Variants in AJAP1 observed in about 807,000 individuals in gnomAD.
AJAP1 encodes the protein adherens junctions associated protein 1, also known as adherens junction-associated protein 1.
AJAP1 carries 5 observed loss-of-function variants against 35.0 expected under a neutral mutation model. The observed-to-expected ratio is 0.14, with a 90% CI of 0.07 to 0.30. The LOEUF (loss-of-function observed/expected upper bound fraction) is 0.30, where lower values mean the gene tolerates loss of function less well. Ranked by LOEUF, AJAP1 falls within the 10% of genes least tolerant of loss-of-function variation. The probability of loss-of-function intolerance (pLI) is 1.00; values close to 1 mark genes in which losing one functional copy is unlikely to be tolerated. For synonymous variants in AJAP1, 284 were observed against 249.3 expected (o/e 1.14, Z -1.31); for missense variants, 586 against 571.0 (o/e 1.03, Z -0.27).
At chr1:4,733,239 T>C (rs1409386613) in intron 2 of AJAP1, among the ~76,000 whole-genome samples, 1 of 151,708 alleles carries the variant, frequency 6.6e-6, no homozygotes, top group East Asian at 2.0e-4. Flanking sequence ...CAATGCCGCC[T>C]TCAGATGATC....
At chr1:4,743,501 T>C (rs1197985969) in intron 2 of AJAP1, among the ~76,000 whole-genome samples, 1 of 152,190 alleles carries the variant, frequency 6.6e-6, no homozygotes, top group Non-Finnish European at 1.5e-5. Context: ...TGCATATTCG[T>C]TCATCCAGAT....
At chr1:4,690,557 CCT>C (rs1049693709) in intron 1 of AJAP1, among the ~76,000 whole-genome samples, 13 of 152,180 alleles carry the variant, frequency 8.5e-5, no homozygotes, top group African/African-American at 3.1e-4. Flanking sequence ...GAGCACTGCC[CCT>C]GTCTGGGAGA....
intron 2 of AJAP1, among the ~76,000 whole-genome samples, chr1:4,746,866 T>C (rs1275991691): frequency 6.6e-6 from 1 of 152,178 alleles, no homozygotes; most frequent in Admixed American, 6.5e-5. Context: ...ACAAGGCAGC[T>C]GGTGGTACGA....
Position 4,692,023 on chromosome 1 carries a change from C to T in AJAP1, c.30-19877C>T, listed in dbSNP as rs952048038. ...GAGGGAGCCAAGAACAGCCTTTGCCCCAGGCCGGGTGTCCCTGAGACTGGC... is the reference window on the plus strand; with the variant it reads ...GAGGGAGCCAAGAACAGCCTTTGCCTCAGGCCGGGTGTCCCTGAGACTGGC... On this transcript the variant is annotated intron_variant, in intron 1 of 5. Coordinates refer to ENST00000378191, the MANE Select transcript of AJAP1 (RefSeq NM_018836.4). The surrounding 1 kb of genome is among the most constrained non-coding windows in gnomAD (Gnocchi z 4.4). 2.3e-4 allele frequency among the ~76,000 whole-genome samples: 35 copies of T among 152,174 alleles called. No individual in the cohort carries two copies. The highest frequency in any genetic ancestry group is 7.7e-4 in the African/African-American group (32 of 41,458).
At position 4,734,361 on chromosome 1, in the gene AJAP1, C is replaced by T. The variant is rs544713644; in HGVS notation, c.829+21662C>T. Among the ~76,000 whole-genome samples the T allele has an allele frequency of 2.0e-5, 3 of 152,302 alleles. No individual in the cohort carries two copies. Among genetic ancestry groups the T allele is most frequent in the South Asian group, 2.1e-4 (1 of 4,816 alleles). ...AATCTCATAAGGCCCACAGGACACA[C>T]GTCCTGGGAAGAAGGCATTCCTCTG... On this transcript the variant is annotated intron_variant, in intron 2 of 5. Coordinates refer to ENST00000378191, the MANE Select transcript of AJAP1 (RefSeq NM_018836.4). This position sits in a 1 kb window ranked among gnomAD's most constrained non-coding sequence, Gnocchi z 4.3.
At chr1:4,766,952 C>T (rs1188156536) in intron 2 of AJAP1, among the ~76,000 whole-genome samples, 1 of 152,108 alleles carries the variant, frequency 6.6e-6, no homozygotes, top group Non-Finnish European at 1.5e-5. Flanking sequence ...ATCGAGGGAT[C>T]CTGTAGAAAG....
chr1:4,699,150 TG>T (rs1321940380), intron 1 of AJAP1, among the ~76,000 whole-genome samples: 3 of 152,118 alleles, frequency 2.0e-5, no homozygotes, highest in Admixed American at 1.3e-4. Flanking sequence ...CGCCCCAGGG[TG>T]CGTGGTGAGT....
At chr1:4,716,913 T>C (rs1474151689) in intron 2 of AJAP1, among the ~76,000 whole-genome samples, 1 of 152,224 alleles carries the variant, frequency 6.6e-6, no homozygotes, top group East Asian at 1.9e-4. Flanking sequence ...GAAGTGTAGA[T>C]GGCACTAGCC....
chr1:4,690,756 G>A (rs1235510004), intron 1 of AJAP1, among the ~76,000 whole-genome samples: 1 of 152,166 alleles, frequency 6.6e-6, no homozygotes, highest in African/African-American at 2.4e-5. Context: ...GAACTTCCCT[G>A]AGTTCTCTCC....
At position 4,783,156 on chromosome 1, in the gene AJAP1, G is replaced by A. The variant is rs1642098287; in HGVS notation, c.*671G>A. ...CTGATTTATTTAACATGCTTAGTAT[G>A]AGCAGAATAAACCAGTGTTTTCTAC... On this transcript the variant is annotated 3_prime_UTR_variant, in exon 6 of 6. Transcript: ENST00000378191. 2 of 252,256 alleles carry A rather than the reference G, an allele frequency of 7.9e-6. No individual in the cohort carries two copies. Among genetic ancestry groups the A allele is most frequent in the South Asian group, 1.7e-4 (1 of 5,716 alleles). 15.6% of individuals were successfully genotyped at this position (252,256 alleles called of 1,614,324 possible). A position where few individuals can be genotyped will look rare whatever the true frequency, so the allele number is the denominator to read the frequency against.
intron 1 of AJAP1, among the ~76,000 whole-genome samples, chr1:4,674,924 G>A (rs1639331441): frequency 6.6e-6 from 1 of 152,234 alleles, no homozygotes; most frequent in Non-Finnish European, 1.5e-5. Flanking sequence ...CAGAGATTCT[G>A]CACAGGGCGT....
intron 2 of AJAP1, among the ~76,000 whole-genome samples, chr1:4,758,794 AG>A (rs1641497948): frequency 6.6e-6 from 1 of 152,190 alleles, no homozygotes; most frequent in African/African-American, 2.4e-5. Context: ...CTCGATTGAC[AG>A]CACAGCTCCC....
chr1:4,679,694 C>G (rs939903656), intron 1 of AJAP1, among the ~76,000 whole-genome samples: 1 of 152,164 alleles, frequency 6.6e-6, no homozygotes, highest in African/African-American at 2.4e-5. Context: ...ATGCATCACT[C>G]AAATCTCTGC....
chr1:4,755,407 G>A (rs758709612), intron 2 of AJAP1, among the ~76,000 whole-genome samples: 6 of 151,924 alleles, frequency 3.9e-5, no homozygotes, highest in Non-Finnish European at 7.4e-5. Flanking sequence ...AATGAAACAA[G>A]GGGATAACCG....
intron 1 of AJAP1, among the ~76,000 whole-genome samples, chr1:4,703,035 A>G (rs750943734): frequency 6.6e-6 from 1 of 152,188 alleles, no homozygotes; most frequent in African/African-American, 2.4e-5. Context: ...TGAGTCAAGT[A>G]TCGCATGCGC....
chr1:4,721,377 T>C (rs1010929305), intron 2 of AJAP1, among the ~76,000 whole-genome samples: 1 of 152,190 alleles, frequency 6.6e-6, no homozygotes, highest in African/African-American at 2.4e-5. Context: ...TTGGTCTGTG[T>C]GTAAAGGCCA....
intron 2 of AJAP1, among the ~76,000 whole-genome samples, chr1:4,729,899 T>C (rs1390996398): frequency 6.6e-6 from 1 of 152,188 alleles, no homozygotes; most frequent in Non-Finnish European, 1.5e-5. Flanking sequence ...CCAAATAAGG[T>C]GTCATTCTCA....
At chr1:4,681,699 C>T (rs1171981170) in intron 1 of AJAP1, among the ~76,000 whole-genome samples, 1 of 152,206 alleles carries the variant, frequency 6.6e-6, no homozygotes, top group Non-Finnish European at 1.5e-5. Context: ...CAAGGTCTCT[C>T]CAGAATAGTG....
intron 2 of AJAP1, among the ~76,000 whole-genome samples, chr1:4,725,035 C>G (rs1210382539): frequency 6.6e-6 from 1 of 152,186 alleles, no homozygotes; most frequent in Non-Finnish European, 1.5e-5. Flanking sequence ...GGACTGCCCA[C>G]GCTTGTGCCC....
Sources: gnomAD v4.1 joint callset for allele counts (sites outside exome capture counted in the v4.1 genomes callset) on GRCh38, gnomAD v4.1.1 for gene constraint, Gnocchi (gnomAD v3.1) non-coding constraint, MANE v1.5 for transcripts, NCBI Gene and HGNC (gene_info 2026-07-23, HGNC 2026-07-21) for gene names.